RCC1L: variants seen among roughly 807,000 people sequenced by gnomAD.
RCC1L encodes the protein RCC1-like G exchanging factor-like protein.
A neutral mutation model predicts 58.6 loss-of-function variants in RCC1L; 46 were observed. The observed-to-expected ratio is 0.79, with a 90% CI of 0.62 to 1.00. The LOEUF is 1.00. Ranked by LOEUF, RCC1L falls within the 50% of genes least tolerant of loss-of-function variation. The pLI, the probability that RCC1L is intolerant of heterozygous loss-of-function variation, is 0.00. For missense variants in RCC1L, 636 were observed against 623.6 expected (o/e 1.02, Z -0.21); for synonymous variants, 281 against 262.9 (o/e 1.07, Z -0.67).
intron 10 of RCC1L, among the ~76,000 whole-genome samples, chr7:75,043,583 G>C (rs923027744): frequency 2.6e-5 from 4 of 152,214 alleles, no homozygotes; most frequent in African/African-American, 7.2e-5. Flanking sequence ...AGCTCCAGGG[G>C]CTGGGCGCTG....
chr7:75,066,918 A>T, intron 2 of RCC1L, 126 bp from the exon 3 acceptor site: 1 of 1,305,320 alleles, frequency 7.7e-7, no homozygotes, highest in African/African-American at 1.5e-5. Flanking sequence ...CAAGACAGGT[A>T]AGTTAGGCGC....
At position 75,042,911 on chromosome 7, in the gene RCC1L, C is replaced by G. The variant is rs966371451; in HGVS notation, c.*121G>C. ...AAGGGATTCAGGACAGAGCGTCACA[C>G]TGCACGCAGGGTCCTCCGCCACCAC... On this transcript the variant is annotated 3_prime_UTR_variant, in exon 11 of 11. Coordinates refer to ENST00000610322, the MANE Select transcript of RCC1L (RefSeq NM_030798.5). The G allele has an allele frequency of 1.9e-6, 3 of 1,552,284 alleles. No individual in the cohort carries two copies. The highest frequency in any genetic ancestry group is 2.6e-6 in the Non-Finnish European group (3 of 1,147,040).
In RCC1L at chr7:75,042,242, T is replaced by C; in HGVS notation, c.*790A>G. ...CAAGACAGATTTGTAAAAGATGTTT[T>C]TAAAGGGAAAGGCAAGTCACGCTAC... On this transcript the variant is annotated 3_prime_UTR_variant, in exon 11 of 11. Coordinates refer to ENST00000610322, the MANE Select transcript of RCC1L (RefSeq NM_030798.5). The C allele has an allele frequency of 2.0e-6, 2 of 985,476 alleles. No individual in the cohort carries two copies. The highest frequency in any genetic ancestry group is 2.4e-6 in the Non-Finnish European group (2 of 829,940). 61.0% of individuals were successfully genotyped at this position (985,476 alleles called of 1,614,324 possible). A position where few individuals can be genotyped will look rare whatever the true frequency, so the allele number is the denominator to read the frequency against.
At chr7:75,069,619 T>C (rs587607514) in intron 2 of RCC1L, among the ~76,000 whole-genome samples, 2 of 152,300 alleles carry the variant, frequency 1.3e-5, no homozygotes, top group Admixed American at 1.3e-4. Context: ...TGGAGTGTAG[T>C]GGCATGATCT....
At position 75,073,515 on chromosome 7, in the gene RCC1L, G is replaced by C. The variant is rs111654487; in HGVS notation, c.223C>G (p.Pro75Ala). ...GFSFSGALGVPSFVVPSSGPG... is the reference protein window; with the variant it reads ...GFSFSGALGVASFVVPSSGPG... ...CCGGAGCTGGGCACCACAAAGGAAG[G>C]CACGCCCAGCGCCCCCGAGAAGCTG... is the stretch of plus-strand genomic sequence containing the variant. The change falls in exon 1 of 11, where the codon CCT becomes GCT. Residue 75 changes from proline (P) to alanine (A), a missense_variant. Coordinates refer to ENST00000610322, the MANE Select transcript of RCC1L (RefSeq NM_030798.5). 4 of 1,439,760 alleles carry C rather than the reference G, an allele frequency of 2.8e-6. No homozygotes were observed. The highest frequency in any genetic ancestry group is 1.5e-5 in the African/African-American group (1 of 66,826). The allele number at this position is 1,439,760 out of a possible 1,614,324, so 89.2% of individuals were successfully genotyped here. A position where few individuals can be genotyped will look rare whatever the true frequency, so the allele number is the denominator to read the frequency against.
chr7:75,064,944 C>T (rs2132004946), intron 3 of RCC1L, among the ~76,000 whole-genome samples: 1 of 152,280 alleles, frequency 6.6e-6, no homozygotes, highest in Admixed American at 6.5e-5. Flanking sequence ...CACCAATCCC[C>T]TCTAGAAAGA....
At chr7:75,031,185 A>G (rs1411802210) in intron 10 of RCC1L, among the ~76,000 whole-genome samples, 1 of 152,084 alleles carries the variant, frequency 6.6e-6, no homozygotes, top group African/African-American at 2.4e-5. Flanking sequence ...GGGTGAGTGG[A>G]TGGATGGTGT....
intron 3 of RCC1L, among the ~76,000 whole-genome samples, chr7:75,064,936 C>A (rs1463481133): frequency 2.0e-5 from 3 of 152,128 alleles, no homozygotes; most frequent in African/African-American, 4.8e-5. Flanking sequence ...GCCCTTAACA[C>A]CAATCCCCTC....
intron 9 of RCC1L, among the ~76,000 whole-genome samples, chr7:75,054,466 G>C (rs1416455900): frequency 6.6e-6 from 1 of 152,178 alleles, no homozygotes; most frequent in African/African-American, 2.4e-5. Context: ...AAATAGAAAA[G>C]CCTCTGCTCT....
chr7:75,047,775 T>C (rs1554442941), intron 10 of RCC1L, among the ~76,000 whole-genome samples: 2 of 150,412 alleles, frequency 1.3e-5, no homozygotes, highest in East Asian at 4.0e-4. Context: ...GACTTCTGAG[T>C]AGCTGGGATT....
intron 9 of RCC1L, 66 bp downstream of exon 9, chr7:75,055,835 G>A: frequency 1.3e-6 from 2 of 1,591,534 alleles, no homozygotes. Flanking sequence ...CCGCAGTTTG[G>A]GGTTGAACTG....
chr7:75,070,567 CT>C, intron 2 of RCC1L, 72 bp downstream of exon 2: 1 of 1,571,652 alleles, frequency 6.4e-7, no homozygotes, highest in Non-Finnish European at 8.6e-7. Flanking sequence ...GAGACTCTGT[CT>C]CAAAAAAAAT....
chr7:75,072,000 G>T (rs1554446185), intron 1 of RCC1L, among the ~76,000 whole-genome samples: 2 of 149,966 alleles, frequency 1.3e-5, no homozygotes, highest in Non-Finnish European at 3.0e-5. Context: ...GGAGGCTGAA[G>T]CAGGAGGATC....
intron 9 of RCC1L, among the ~76,000 whole-genome samples, chr7:75,053,247 G>A: frequency 1.2e-5 from 1 of 81,818 alleles, no homozygotes; most frequent in African/African-American, 4.3e-5. Context: ...GGGGGTGGTG[G>A]ACAGGTCTGG....
At chr7:75,056,630 A>G in intron 8 of RCC1L, 1 of 1,535,316 alleles carries the variant, frequency 6.5e-7, no homozygotes, top group Non-Finnish European at 8.7e-7. Flanking sequence ...GCAGAGCTGG[A>G]GTCTCTCTGG....
At chr7:75,066,601 G>C in intron 3 of RCC1L, 63 bp downstream of exon 3, 1 of 1,601,374 alleles carries the variant, frequency 6.2e-7, no homozygotes, top group East Asian at 2.3e-5. Flanking sequence ...CCTGATTTGA[G>C]GCTCCAGTTC....
rs1805932912 is a variant in RCC1L, at chr7:75,052,157, C to T, written c.1317+554G>A. Among the ~76,000 whole-genome samples, 3 of 152,136 alleles carry T rather than the reference C, an allele frequency of 2.0e-5. No individual in the cohort carries two copies. In the South Asian group the frequency reaches 6.2e-4, roughly 31 times the overall value. ...CCCTAAGGAAGCGACTTTATTTTTTCACTTCATAGCTGCGGTTGGGCCATC... is the reference window on the plus strand; with the variant it reads ...CCCTAAGGAAGCGACTTTATTTTTTTACTTCATAGCTGCGGTTGGGCCATC... On this transcript the variant is annotated intron_variant, in intron 10 of 10. Transcript: ENST00000610322.
At position 75,070,788 on chromosome 7, in the gene RCC1L, A is replaced by G. The variant is rs888669456; in HGVS notation, c.325-19T>C. ...ATGAAATCTGAAAAGCAGTTCCCACAAAGCATGAACTGATTTATAATGTCA... is the reference window on the plus strand; with the variant it reads ...ATGAAATCTGAAAAGCAGTTCCCACGAAGCATGAACTGATTTATAATGTCA... On this transcript the variant is annotated intron_variant, in intron 1 of 10. Transcript: ENST00000610322. 2.5e-6 allele frequency: 4 copies of G among 1,613,670 alleles called. No individual in the cohort carries two copies. Among genetic ancestry groups the G allele is most frequent in the Admixed American group, 1.7e-5 (1 of 59,940 alleles).
At chr7:75,070,844 TA>T in intron 1 of RCC1L, 75 bp from the exon 2 acceptor site, 3 of 1,579,716 alleles carry the variant, frequency 1.9e-6, no homozygotes, top group Non-Finnish European at 2.6e-6. Flanking sequence ...ACAGGTTATT[TA>T]TCAAATCCAA....
Sources: allele counts gnomAD v4.1 joint callset (sites outside exome capture counted in the v4.1 genomes callset), GRCh38; gene constraint gnomAD v4.1.1; transcripts MANE v1.5; gene names NCBI Gene and HGNC (gene_info 2026-07-23, HGNC 2026-07-21).